The following ULK4 variants were observed in gnomAD, a reference collection of about 807,000 sequenced individuals.
ULK4 encodes the protein inactive serine/threonine-protein kinase ULK4.
ULK4 carries 133 observed loss-of-function variants against 160.6 expected under a neutral mutation model. The ratio of observed to expected loss-of-function variants is 0.83; its 90% CI spans 0.72 to 0.96. The LOEUF (loss-of-function observed/expected upper bound fraction) is 0.96. Among genes scored for constraint, ULK4 ranks in the 40% least tolerant of loss-of-function variants. The probability of loss-of-function intolerance (pLI) is 0.00; values close to 1 mark genes in which losing one functional copy is unlikely to be tolerated. For missense variants in ULK4, 1,580 were observed against 1,499.5 expected, an observed-to-expected ratio of 1.05 and a Z score of -0.89; for synonymous variants, 534 against 539.8, an observed-to-expected ratio of 0.99 and a Z score of 0.15.
At chr3:41,583,136 A>G (rs926566688) in intron 31 of ULK4, among the ~76,000 whole-genome samples, 15 of 152,196 alleles carry the variant, frequency 9.9e-5, no homozygotes, top group African/African-American at 3.6e-4. Context: ...ACAGGCTTCT[A>G]TATGCTCCCC....
intron 16 of ULK4, among the ~76,000 whole-genome samples, chr3:41,885,926 C>T (rs1370706177): frequency 6.6e-6 from 1 of 152,096 alleles, no homozygotes; most frequent in African/African-American, 2.4e-5. Flanking sequence ...GATCTGCCCA[C>T]CTCAAACTCC....
At chr3:41,786,864 C>T (rs2040012238) in intron 21 of ULK4, among the ~76,000 whole-genome samples, 1 of 151,964 alleles carries the variant, frequency 6.6e-6, no homozygotes, top group South Asian at 2.1e-4. Flanking sequence ...AGAAGACCAG[C>T]TAGGGGCCTT....
intron 35 of ULK4, among the ~76,000 whole-genome samples, chr3:41,317,501 G>A (rs1376175265): frequency 6.6e-6 from 1 of 152,130 alleles, no homozygotes; most frequent in Non-Finnish European, 1.5e-5. Flanking sequence ...GATAACGATT[G>A]ATAATGATTA....
chr3:41,845,195 G>C (rs2042040036), intron 17 of ULK4, among the ~76,000 whole-genome samples: 1 of 152,116 alleles, frequency 6.6e-6, no homozygotes, highest in African/African-American at 2.4e-5. Flanking sequence ...TCGATCTCCT[G>C]ACCTCGTGAT....
intron 20 of ULK4, among the ~76,000 whole-genome samples, chr3:41,791,230 G>A (rs1042086999): frequency 3.9e-5 from 6 of 152,052 alleles, no homozygotes; most frequent in Non-Finnish European, 5.9e-5. Context: ...TCCTGACCTC[G>A]TGATCTGCCT....
Position 41,457,705 on chromosome 3 carries a change from C to T in ULK4, c.3394-2110G>A, listed in dbSNP as rs142733425. ...GCCTCCTAACTCCTGGATTTGCCAC[C>T]CTTTGTGTGCATCTTGTACAGGGCC... is the stretch of plus-strand genomic sequence containing the variant. On this transcript the variant is annotated intron_variant, in intron 33 of 36. Coordinates refer to ENST00000301831, the MANE Select transcript of ULK4 (RefSeq NM_017886.4). 8.5e-4 allele frequency among the ~76,000 whole-genome samples: 129 copies of T among 152,280 alleles called. 1 individual carries two copies. The highest frequency in any genetic ancestry group is 2.9e-3 in the African/African-American group (120 of 41,562).
intron 30 of ULK4, among the ~76,000 whole-genome samples, chr3:41,649,386 C>G (rs1197065615): frequency 6.6e-6 from 1 of 152,110 alleles, no homozygotes. Flanking sequence ...ACCTGTGCAC[C>G]TAGCTGCAGC....
chr3:41,491,888 C>A (rs9873144), intron 32 of ULK4, among the ~76,000 whole-genome samples: 323 of 150,610 alleles, frequency 2.1e-3, no homozygotes, highest in African/African-American at 7.4e-3. Flanking sequence ...CGCCTCCCCC[C>A]ACCCCACAAC....
At chr3:41,741,331 T>C (rs185080065) in intron 22 of ULK4, among the ~76,000 whole-genome samples, 1 of 152,048 alleles carries the variant, frequency 6.6e-6, no homozygotes, top group Non-Finnish European at 1.5e-5. Context: ...TTGCCACTTT[T>C]ACTTTACAAA....
chr3:41,500,569 T>C (rs2125915751), intron 32 of ULK4, among the ~76,000 whole-genome samples: 1 of 152,258 alleles, frequency 6.6e-6, no homozygotes, highest in South Asian at 2.1e-4. Flanking sequence ...CCTAGCAGAC[T>C]TCTGGCCCAA....
At chr3:41,797,031 T>C (rs2040319876) in intron 20 of ULK4, among the ~76,000 whole-genome samples, 1 of 152,126 alleles carries the variant, frequency 6.6e-6, no homozygotes, top group African/African-American at 2.4e-5. Flanking sequence ...AGTAATAGTA[T>C]CACATTACAA....
At chr3:41,664,341 T>C (rs1276821022) in intron 29 of ULK4, among the ~76,000 whole-genome samples, 2 of 152,132 alleles carry the variant, frequency 1.3e-5, no homozygotes, top group Admixed American at 6.6e-5. Context: ...CTCTGAATCA[T>C]ATGGGAAAGG....
chr3:41,522,593 T>C (rs999059892), intron 32 of ULK4, among the ~76,000 whole-genome samples: 5 of 152,242 alleles, frequency 3.3e-5, no homozygotes, highest in African/African-American at 1.2e-4. Flanking sequence ...CAGGCCATTC[T>C]ATCTCAATGA....
At chr3:41,888,403 TAGAATTA>T (rs1342223327) in intron 16 of ULK4, among the ~76,000 whole-genome samples, 26 of 152,156 alleles carry the variant, frequency 1.7e-4, no homozygotes, top group African/African-American at 5.8e-4. Flanking sequence ...CATGCATAGA[TAGAATTA>T]AGACTGACAG....
chr3:41,656,946 T>C (rs1245134218), intron 30 of ULK4, among the ~76,000 whole-genome samples: 1 of 152,218 alleles, frequency 6.6e-6, no homozygotes, highest in African/African-American at 2.4e-5. Flanking sequence ...GGAAACAAGA[T>C]ACTGGAGTGT....
chr3:41,702,709 C>T (rs2036718314), intron 27 of ULK4, among the ~76,000 whole-genome samples: 3 of 151,732 alleles, frequency 2.0e-5, no homozygotes, highest in African/African-American at 7.3e-5. Context: ...AATAACATGG[C>T]CTCAAAATAC....
At chr3:41,368,995 A>G (rs1195778073) in intron 35 of ULK4, among the ~76,000 whole-genome samples, 1 of 152,206 alleles carries the variant, frequency 6.6e-6, no homozygotes, top group East Asian at 1.9e-4. Flanking sequence ...TTATACTCTT[A>G]AAATCTGCCT....
At chr3:41,503,795 C>T (rs1453272097) in intron 32 of ULK4, among the ~76,000 whole-genome samples, 4 of 152,060 alleles carry the variant, frequency 2.6e-5, no homozygotes, top group Admixed American at 2.0e-4. Flanking sequence ...TAAAACAATA[C>T]TCTCTCCTTC....
Position 41,246,929 on chromosome 3 carries a change from C to CT in ULK4, c.3827dup (p.Ter1276=). The CT allele has an allele frequency of 6.2e-7, 1 of 1,613,720 alleles. No individual in the cohort carries two copies. The highest frequency in any genetic ancestry group is 8.5e-7 in the Non-Finnish European group (1 of 1,179,874). Reference sequence around the variant, plus strand: ...GGGCTTGTGCTAAGCACCTTCTTGCCTAGTGCCCAACGGCTTGGAGGATTT... The same window carrying CT: ...GGGCTTGTGCTAAGCACCTTCTTGCCTTAGTGCCCAACGGCTTGGAGGATTT... ...ALEILQAVGH[*] Residue 1276 remains the stop codon, a frameshift_variant and stop_retained_variant, in exon 37 of 37, where the codon TAG becomes TAAG. Transcript: ENST00000301831. LOFTEE classifies it high-confidence loss of function.
Sources: gnomAD v4.1 joint callset for allele counts (sites outside exome capture counted in the v4.1 genomes callset) on GRCh38, gnomAD v4.1.1 for gene constraint, MANE v1.5 for transcripts, NCBI Gene and HGNC (gene_info 2026-07-23, HGNC 2026-07-21) for gene names.